ALK: variants seen among roughly 807,000 people sequenced by gnomAD.
ALK encodes ALK receptor tyrosine kinase, also known as ALK tyrosine kinase receptor.
ALK carries 74 observed loss-of-function variants against 163.1 expected under a neutral mutation model. That is an observed-to-expected ratio of 0.45 (90% CI 0.38 to 0.55). ALK has a LOEUF of 0.55. ALK is among the 20% of genes least tolerant of loss of function. The pLI, the probability that ALK is intolerant of heterozygous loss-of-function variation, is 0.00. For synonymous variants in ALK, 960 were observed against 843.2 expected, an observed-to-expected ratio of 1.14 and a Z score of -2.40; for missense variants, 2,063 against 2,105.3, an observed-to-expected ratio of 0.98 and a Z score of 0.39.
chr2:29,638,407 A>G (rs1221357021), intron 3 of ALK, among the ~76,000 whole-genome samples: 2 of 151,988 alleles, frequency 1.3e-5, no homozygotes, highest in Non-Finnish European at 2.9e-5. Context: ...CTCTCCACTC[A>G]AGCAATCTTC....
At chr2:29,758,894 A>G (rs1433461922) in intron 1 of ALK, among the ~76,000 whole-genome samples, 1 of 151,856 alleles carries the variant, frequency 6.6e-6, no homozygotes, top group Non-Finnish European at 1.5e-5. Context: ...ATACACAGCC[A>G]CCTCTCACTG....
intron 5 of ALK, among the ~76,000 whole-genome samples, chr2:29,351,552 A>T (rs1668112109): frequency 2.0e-5 from 3 of 152,208 alleles, no homozygotes; most frequent in Admixed American, 2.0e-4. Context: ...AGCCACGGGC[A>T]ACCAATTACT....
intron 4 of ALK, among the ~76,000 whole-genome samples, chr2:29,419,740 T>C (rs1252605255): frequency 6.6e-6 from 1 of 151,612 alleles, no homozygotes; most frequent in Non-Finnish European, 1.5e-5. Context: ...AAAAATATTT[T>C]GGCATTAGAA....
intron 11 of ALK, among the ~76,000 whole-genome samples, chr2:29,267,772 C>G (rs2148209854): frequency 6.6e-6 from 1 of 152,060 alleles, no homozygotes; most frequent in East Asian, 2.0e-4. Context: ...TGAAGCTTTG[C>G]TGCAACAAGC....
At chr2:29,655,350 G>T (rs558077221) in intron 3 of ALK, among the ~76,000 whole-genome samples, 13 of 152,216 alleles carry the variant, frequency 8.5e-5, no homozygotes, top group Non-Finnish European at 4.4e-5. Context: ...ATAATTTTGG[G>T]AAGATGTCAA....
intron 3 of ALK, among the ~76,000 whole-genome samples, chr2:29,683,887 G>C (rs1241935318): frequency 6.6e-6 from 1 of 152,154 alleles, no homozygotes. Context: ...TTTACAGAAT[G>C]GTCTCTTGTG....
intron 11 of ALK, among the ~76,000 whole-genome samples, chr2:29,271,623 T>C (rs1573180371): frequency 6.6e-6 from 1 of 152,206 alleles, no homozygotes; most frequent in Admixed American, 6.5e-5. Flanking sequence ...TTAACCCCCC[T>C]CATCTGCAGA....
intron 3 of ALK, among the ~76,000 whole-genome samples, chr2:29,582,273 T>C (rs999465198): frequency 6.6e-6 from 1 of 152,174 alleles, no homozygotes; most frequent in South Asian, 2.1e-4. Context: ...GAGGAAGATA[T>C]TTGAATAGTA....
chr2:29,852,104 C>A (rs1666010924), intron 1 of ALK, among the ~76,000 whole-genome samples: 5 of 152,156 alleles, frequency 3.3e-5, no homozygotes, highest in Admixed American at 3.3e-4. Context: ...CCCTTAGATG[C>A]CAGCACAGGA....
chr2:29,892,999 A>G (rs1235978601), intron 1 of ALK, among the ~76,000 whole-genome samples: 1 of 152,124 alleles, frequency 6.6e-6, no homozygotes, highest in Non-Finnish European at 1.5e-5. Flanking sequence ...CCTCCAGCCC[A>G]TTCCCCATTA....
intron 1 of ALK, among the ~76,000 whole-genome samples, chr2:29,801,219 C>T (rs574941148): frequency 5.3e-5 from 8 of 152,204 alleles, no homozygotes; most frequent in African/African-American, 1.4e-4. Flanking sequence ...CAAGAGTAGG[C>T]GAAGAAAACA....
intron 5 of ALK, among the ~76,000 whole-genome samples, chr2:29,359,389 C>G (rs912843094): frequency 1.3e-5 from 2 of 152,208 alleles, no homozygotes; most frequent in African/African-American, 4.8e-5. Flanking sequence ...CAGATTGTCT[C>G]CCACACAGAG....
intron 13 of ALK, among the ~76,000 whole-genome samples, chr2:29,234,867 C>T (rs1447055733): frequency 6.6e-6 from 1 of 152,232 alleles, no homozygotes; most frequent in Non-Finnish European, 1.5e-5. Context: ...TGCACACCAC[C>T]ATGCCCCGCT....
intron 4 of ALK, among the ~76,000 whole-genome samples, chr2:29,487,303 G>C (rs1007232942): frequency 3.3e-5 from 5 of 152,186 alleles, no homozygotes; most frequent in Non-Finnish European, 7.3e-5. Context: ...GACAGCGATT[G>C]AGCCTGAGGT....
At chr2:29,740,514 C>A (rs1680027878) in intron 1 of ALK, among the ~76,000 whole-genome samples, 1 of 152,086 alleles carries the variant, frequency 6.6e-6, no homozygotes, top group Non-Finnish European at 1.5e-5. Context: ...ACAATTCCTA[C>A]CTGCTTCAAA....
chr2:29,227,448 G>T lies in ALK; in HGVS notation c.2914+126C>A. ...AATGTGGTGACCTGCGCCATAGGAA[G>T]CTTGCCTGCCAGGGACCCATAATTG... On this transcript the variant is annotated intron_variant, in intron 17 of 28. Coordinates refer to ENST00000389048, the MANE Select transcript of ALK (RefSeq NM_004304.5). The surrounding 1 kb of genome is among the most constrained non-coding windows in gnomAD (Gnocchi z 4.4). 1 of 884,538 alleles carries T rather than the reference G, an allele frequency of 1.1e-6. No homozygotes were observed. The highest frequency in any genetic ancestry group is 1.9e-6 in the Non-Finnish European group (1 of 518,800). 54.8% of individuals were successfully genotyped at this position (884,538 alleles called of 1,614,324 possible). A position where few individuals can be genotyped will look rare whatever the true frequency, so the allele number is the denominator to read the frequency against.
chr2:29,215,082 G>A (rs768468228), intron 23 of ALK, among the ~76,000 whole-genome samples: 1 of 152,196 alleles, frequency 6.6e-6, no homozygotes, highest in African/African-American at 2.4e-5. Flanking sequence ...CTTTAGGGCC[G>A]CCCCAAGAAA....
At chr2:29,765,386 T>G (rs941827495) in intron 1 of ALK, among the ~76,000 whole-genome samples, 8 of 152,216 alleles carry the variant, frequency 5.3e-5, no homozygotes, top group Non-Finnish European at 8.8e-5. Flanking sequence ...TCCAGGATTG[T>G]TGGATTAAGT....
intron 1 of ALK, among the ~76,000 whole-genome samples, chr2:29,906,787 T>C (rs561870382): frequency 1.3e-5 from 2 of 152,322 alleles, no homozygotes; most frequent in African/African-American, 4.8e-5. Flanking sequence ...TATGTCAAAC[T>C]GTTCAATGGT....
Sources: allele counts gnomAD v4.1 joint callset (sites outside exome capture counted in the v4.1 genomes callset), GRCh38; gene constraint gnomAD v4.1.1; non-coding constraint Gnocchi (gnomAD v3.1); transcripts MANE v1.5; gene names NCBI Gene and HGNC (gene_info 2026-07-23, HGNC 2026-07-21).